TMEM67: variants seen among roughly 807,000 people sequenced by gnomAD.
TMEM67 encodes meckelin.
TMEM67 carries 124 observed loss-of-function variants against 136.6 expected under a neutral mutation model. The observed-to-expected ratio is 0.91, with a 90% CI of 0.78 to 1.05. TMEM67 has a LOEUF of 1.05. Ranked by LOEUF, TMEM67 falls within the 50% of genes least tolerant of loss-of-function variation. The pLI is 0.00. For synonymous variants in TMEM67, 364 were observed against 390.5 expected (o/e 0.93, Z 0.80); for missense variants, 1,107 against 1,178.4 (o/e 0.94, Z 0.89).
intron 11 of TMEM67, among the ~76,000 whole-genome samples, chr8:93,784,097 GGAT>G (rs1813985839): frequency 6.6e-6 from 1 of 152,098 alleles, no homozygotes; most frequent in African/African-American, 2.4e-5. Context: ...GGTTACCTCT[GGAT>G]AGTGGGGTTA....
At chr8:93,814,914 C>T (rs1400133505) in intron 26 of TMEM67, among the ~76,000 whole-genome samples, 1 of 152,160 alleles carries the variant, frequency 6.6e-6, no homozygotes, top group Non-Finnish European at 1.5e-5. Context: ...CTCTTGAACA[C>T]TATGTACTTA....
Position 93,782,730 on chromosome 8 carries a change from C to T in TMEM67, c.1131+270C>T, listed in dbSNP as rs550368154. On this transcript the variant is annotated intron_variant, in intron 11 of 27. Transcript: ENST00000453321. ...CTGGAATTACAGACATGTGCCACCA[C>T]GCCCAGCTAATTTTTTGTATTTTTA... is the stretch of plus-strand genomic sequence containing the variant. Among the ~76,000 whole-genome samples the T allele has an allele frequency of 4.4e-4, 67 of 151,656 alleles. 2 individuals are homozygous for T. The East Asian group carries it at 0.013, about 29-fold the overall frequency.
At chr8:93,761,782 C>T (rs1350390593) in intron 3 of TMEM67, among the ~76,000 whole-genome samples, 1 of 152,142 alleles carries the variant, frequency 6.6e-6, no homozygotes, top group Non-Finnish European at 1.5e-5. Context: ...TTTATCAGCA[C>T]TATTTTATGT....
chr8:93,792,974 T>C (rs1814450836), intron 15 of TMEM67, among the ~76,000 whole-genome samples: 2 of 152,108 alleles, frequency 1.3e-5, no homozygotes, highest in South Asian at 4.2e-4. Flanking sequence ...GGTTTCACCG[T>C]GTTAGCCAGG....
intron 16 of TMEM67, among the ~76,000 whole-genome samples, chr8:93,793,914 G>A (rs186581929): frequency 5.9e-5 from 9 of 151,662 alleles, no homozygotes; most frequent in East Asian, 1.9e-4. Context: ...TTTTTGAGAC[G>A]GAGTCTCACT....
intron 14 of TMEM67, among the ~76,000 whole-genome samples, chr8:93,789,916 A>G (rs1386462213): frequency 1.3e-5 from 2 of 151,202 alleles, no homozygotes; most frequent in Non-Finnish European, 3.0e-5. Context: ...TAAAAATACA[A>G]CAACAAAAAA....
At chr8:93,781,816 A>T in intron 10 of TMEM67, 72 bp downstream of exon 10, 1 of 846,420 alleles carries the variant, frequency 1.2e-6, no homozygotes, top group East Asian at 2.6e-5. Flanking sequence ...AGAGGAAAAG[A>T]TTATTGTATG....
intron 23 of TMEM67, among the ~76,000 whole-genome samples, chr8:93,807,924 A>G (rs1815226800): frequency 6.6e-6 from 1 of 151,950 alleles, no homozygotes; most frequent in Admixed American, 6.6e-5. Flanking sequence ...GTGTCAGGGA[A>G]ACCCAAAATG....
chr8:93,831,643 G>A, the TMEM67 span, among the ~76,000 whole-genome samples: 1 of 152,214 alleles, frequency 6.6e-6, no homozygotes, highest in East Asian at 1.9e-4. Flanking sequence ...AGGATTCCTG[G>A]GAAGGTGTGC....
chr8:93,825,526 C>T, the TMEM67 span, among the ~76,000 whole-genome samples: 1 of 152,016 alleles, frequency 6.6e-6, no homozygotes, highest in Admixed American at 6.6e-5. Flanking sequence ...GTGATCAGGA[C>T]GGTGAAGGAT....
chr8:93,772,576 T>C lies in TMEM67; in HGVS notation c.652-13T>C, dbSNP rs376654537. Reference sequence around the variant, plus strand: ...TTTGAACTTAAAAATAAAATGTATCTTTTTGTTTACAGGGCATGTCTTTAA... The same window carrying C: ...TTTGAACTTAAAAATAAAATGTATCCTTTTGTTTACAGGGCATGTCTTTAA... On this transcript the variant is annotated splice_polypyrimidine_tract_variant and intron_variant, in intron 6 of 27. Transcript: ENST00000453321. 2.9e-5 allele frequency: 46 copies of C among 1,605,942 alleles called. No homozygotes were observed. Among genetic ancestry groups the C allele is most frequent in the Non-Finnish European group, 5.1e-6 (6 of 1,173,444 alleles).
At chr8:93,831,781 G>A in the TMEM67 span, among the ~76,000 whole-genome samples, 1 of 152,144 alleles carries the variant, frequency 6.6e-6, no homozygotes, top group Non-Finnish European at 1.5e-5. Flanking sequence ...GCTTCTGTTC[G>A]TCAAGTCACC....
rs115660279 is a variant in TMEM67, at chr8:93,755,100, T to C, written c.186T>C (p.Cys62=). 1.8e-3 allele frequency: 2,951 copies of C among 1,614,202 alleles called. 4 individuals are homozygous for C. The highest frequency in any genetic ancestry group is 2.4e-3 in the Admixed American group (145 of 60,030). Residue 62 remains cysteine, a synonymous_variant, in exon 1 of 28, where the codon TGT becomes TGC. Transcript: ENST00000453321. ...NQYFDISALS[C]VPCGANQRQD... Reference sequence around the variant, plus strand: ...ACTTTGATATCTCCGCCCTCTCGTGTGTTCCTTGTGGAGCTAACCAGAGGC... The same window carrying C: ...ACTTTGATATCTCCGCCCTCTCGTGCGTTCCTTGTGGAGCTAACCAGAGGC...
intron 16 of TMEM67, among the ~76,000 whole-genome samples, chr8:93,793,819 G>A (rs908851723): frequency 1.3e-5 from 2 of 151,760 alleles, no homozygotes; most frequent in East Asian, 1.9e-4. Context: ...TGACCCATCC[G>A]TTATTTTTAT....
Position 93,755,156 on chromosome 8 carries a change from G to A in TMEM67, c.223+19G>A. ...GCCCGAGGTAAGACGGTTTGCGGTG[G>A]GCCCTGGCAAAAGTAACACTCCCGC... On this transcript the variant is annotated intron_variant, in intron 1 of 27. Transcript: ENST00000453321. 6.2e-7 allele frequency: 1 copy of A among 1,610,946 alleles called. No homozygotes were observed.
At chr8:93,757,648 A>T (rs1005103824) in intron 2 of TMEM67, among the ~76,000 whole-genome samples, 3 of 151,824 alleles carry the variant, frequency 2.0e-5, no homozygotes, top group African/African-American at 4.8e-5. Flanking sequence ...AAAAAAAAAA[A>T]CCTTTACTAG....
At position 93,755,720 on chromosome 8, in the gene TMEM67, C is replaced by CTTTAT. The variant is rs1202215144; in HGVS notation, c.224-54_224-50dup. The CTTTAT allele has an allele frequency of 2.8e-6, 3 of 1,071,070 alleles. No homozygotes were observed. The African/African-American group carries it at 5.7e-5, about 20-fold the overall frequency. The allele number at this position is 1,071,070 out of a possible 1,614,324, so 66.3% of individuals were successfully genotyped here. ...TATTAAAAGTTTCACTATCTGGGAACTTTATTTTTATTTATCAAGGATAAA... is the reference window on the plus strand; with the variant it reads ...TATTAAAAGTTTCACTATCTGGGAACTTTATTTTATTTTTATTTATCAAGGATAAA... On this transcript the variant is annotated intron_variant, in intron 1 of 27. Coordinates refer to ENST00000453321, the MANE Select transcript of TMEM67 (RefSeq NM_153704.6).
intron 2 of TMEM67, chr8:93,756,229 T>C (rs1230435755): frequency 5.5e-6 from 1 of 180,580 alleles, no homozygotes; most frequent in Non-Finnish European, 1.2e-5. Flanking sequence ...CTGATGCAAG[T>C]GGAGTTGTCT....
At chr8:93,809,594 A>AT (rs1353698467) in intron 25 of TMEM67, among the ~76,000 whole-genome samples, 191 bp from the exon 26 acceptor site, 1 of 152,220 alleles carries the variant, frequency 6.6e-6, no homozygotes, top group African/African-American at 2.4e-5. Context: ...TACTAAGGAC[A>AT]TTTAAAATTT....
Sources: gnomAD v4.1 joint callset for allele counts (sites outside exome capture counted in the v4.1 genomes callset) on GRCh38, gnomAD v4.1.1 for gene constraint, MANE v1.5 for transcripts, NCBI Gene and HGNC (gene_info 2026-07-23, HGNC 2026-07-21) for gene names.